ZFHX4: variants seen among roughly 807,000 people sequenced by gnomAD.
The protein encoded by ZFHX4 is zinc finger homeobox 4.
Under a neutral mutation model 267.6 loss-of-function variants are expected in ZFHX4, and 56 were observed. The ratio of observed to expected loss-of-function variants is 0.21; its 90% CI spans 0.17 to 0.26. The LOEUF is 0.26. Ranked by LOEUF, ZFHX4 falls within the 10% of genes least tolerant of loss-of-function variation. The pLI is 1.00. For missense variants in ZFHX4, 4,332 were observed against 4,420.0 expected (o/e 0.98, Z 0.56); for synonymous variants, 1,778 against 1,665.6 (o/e 1.07, Z -1.64).
At chr8:76,802,596 T>A (rs529411560) in intron 4 of ZFHX4, among the ~76,000 whole-genome samples, 2 of 152,306 alleles carry the variant, frequency 1.3e-5, no homozygotes, top group African/African-American at 4.8e-5. Context: ...ATTAAAGGAA[T>A]ATGGTTTAAC....
Position 76,705,590 on chromosome 8 carries a change from C to T in ZFHX4, c.1502C>T (p.Pro501Leu), listed in dbSNP as rs768029167. ...LTDSIGNKDF[P>L]LLNQSISPLS... Reference sequence around the variant, plus strand: ...GATAGTATTGGTAACAAAGATTTCCCTCTCTTAAACCAAAGCATTTCTCCT... The same window carrying T: ...GATAGTATTGGTAACAAAGATTTCCTTCTCTTAAACCAAAGCATTTCTCCT... The change falls in exon 2 of 11, where the codon CCT becomes CTT. Residue 501 changes from proline to leucine, a missense_variant. By Grantham distance (98) the Pro-to-Leu change is moderately conservative. This residue lies in a region of ZFHX4 where 1,195 missense variants were observed against 1,173.6 expected (regional missense o/e 1.02). Transcript: ENST00000651372. 3.0e-5 allele frequency: 49 copies of T among 1,613,516 alleles called. No individual in the cohort carries two copies. The highest frequency in any genetic ancestry group is 8.5e-7 in the Non-Finnish European group (1 of 1,179,714).
chr8:76,768,857 G>T (rs9918879), intron 3 of ZFHX4, among the ~76,000 whole-genome samples: 23,633 of 152,012 alleles, frequency 0.16, 2,207 homozygotes, highest in East Asian at 0.35. Context: ...ATCAAAAGAT[G>T]AGGCGAGCAC....
intron 4 of ZFHX4, among the ~76,000 whole-genome samples, chr8:76,801,463 G>A (rs554060917): frequency 5.9e-5 from 9 of 152,208 alleles, no homozygotes; most frequent in African/African-American, 9.6e-5. Flanking sequence ...GCTATAAGTC[G>A]TCCACAGAGT....
intron 3 of ZFHX4, among the ~76,000 whole-genome samples, chr8:76,769,777 T>C (rs1810212164): frequency 6.6e-6 from 1 of 151,938 alleles, no homozygotes; most frequent in Admixed American, 6.6e-5. Flanking sequence ...GATAAGTGCA[T>C]AGAGCAAAGA....
chr8:76,795,785 C>T (rs1263780028), intron 4 of ZFHX4, among the ~76,000 whole-genome samples: 1 of 152,056 alleles, frequency 6.6e-6, no homozygotes, highest in Admixed American at 6.6e-5. Flanking sequence ...GATCCGCCCG[C>T]CTCCAAGTCT....
chr8:76,845,006 A>G (rs995044410), intron 6 of ZFHX4, among the ~76,000 whole-genome samples: 1 of 152,134 alleles, frequency 6.6e-6, no homozygotes, highest in African/African-American at 2.4e-5. Context: ...TGTAAAAAAA[A>G]TACTAGCAAG....
chr8:76,753,823 T>C (rs998201975), intron 3 of ZFHX4, among the ~76,000 whole-genome samples: 34 of 152,076 alleles, frequency 2.2e-4, no homozygotes, highest in African/African-American at 7.2e-4. Context: ...AGATGGAGTC[T>C]TACTATGTTG....
chr8:76,843,680 C>A (rs1812295347), intron 6 of ZFHX4, among the ~76,000 whole-genome samples: 1 of 152,036 alleles, frequency 6.6e-6, no homozygotes, highest in African/African-American at 2.4e-5. Context: ...CGGGTTCAAG[C>A]CTATTAGTTT....
intron 3 of ZFHX4, among the ~76,000 whole-genome samples, chr8:76,724,833 C>A (rs1246452121): frequency 6.6e-6 from 1 of 152,056 alleles, no homozygotes; most frequent in African/African-American, 2.4e-5. Flanking sequence ...CTTCCACAGG[C>A]CCACTGGGTT....
chr8:76,730,822 T>A (rs1808989636), intron 3 of ZFHX4, among the ~76,000 whole-genome samples: 1 of 152,138 alleles, frequency 6.6e-6, no homozygotes, highest in African/African-American at 2.4e-5. Flanking sequence ...TAATAAGACA[T>A]CTATAAAGCT....
intron 1 of ZFHX4, among the ~76,000 whole-genome samples, chr8:76,695,203 G>T (rs1807926016): frequency 6.6e-6 from 1 of 152,156 alleles, no homozygotes; most frequent in African/African-American, 2.4e-5. Flanking sequence ...GGAAAAGAAT[G>T]AGGTCATTTA....
chr8:76,798,582 G>T (rs1338505143), intron 4 of ZFHX4, among the ~76,000 whole-genome samples: 1 of 152,152 alleles, frequency 6.6e-6, no homozygotes, highest in African/African-American at 2.4e-5. Context: ...CATGAGAGCT[G>T]CTGGTTTATG....
intron 3 of ZFHX4, among the ~76,000 whole-genome samples, chr8:76,777,435 TG>T (rs1193404893): frequency 6.6e-6 from 1 of 152,156 alleles, no homozygotes; most frequent in Non-Finnish European, 1.5e-5. Flanking sequence ...CACATCATAG[TG>T]TCTGTTTTGA....
intron 1 of ZFHX4, among the ~76,000 whole-genome samples, chr8:76,701,706 T>C (rs1808107688): frequency 6.6e-6 from 1 of 152,164 alleles, no homozygotes; most frequent in Admixed American, 6.5e-5. Flanking sequence ...GGAGTGAAGA[T>C]AGAACTAAAT....
At chr8:76,691,344 G>T (rs575406157) in intron 1 of ZFHX4, among the ~76,000 whole-genome samples, 19 of 152,146 alleles carry the variant, frequency 1.2e-4, no homozygotes, top group African/African-American at 4.3e-4. Flanking sequence ...AAATACTGAT[G>T]ATTTCAGTGA....
intron 5 of ZFHX4, among the ~76,000 whole-genome samples, chr8:76,839,053 AAG>A (rs35873786): frequency 0.083 from 8,902 of 107,096 alleles, 585 homozygotes; most frequent in East Asian, 0.36. Flanking sequence ...CTCTGTCTGA[AAG>A]AGAGAGAGAG....
intron 3 of ZFHX4, among the ~76,000 whole-genome samples, chr8:76,740,485 A>G (rs1809285804): frequency 6.6e-6 from 1 of 151,784 alleles, no homozygotes; most frequent in Non-Finnish European, 1.5e-5. Context: ...TTTCCCCAAA[A>G]CCTACTGGGG....
At chr8:76,726,702 A>G (rs1265499837) in intron 3 of ZFHX4, among the ~76,000 whole-genome samples, 2 of 152,194 alleles carry the variant, frequency 1.3e-5, no homozygotes, top group Non-Finnish European at 2.9e-5. Context: ...TTGAACTACA[A>G]TGAGAGTATT....
intron 4 of ZFHX4, chr8:76,782,253 T>G (rs2131782930): frequency 2.4e-6 from 1 of 416,926 alleles, no homozygotes; most frequent in Non-Finnish European, 4.8e-6. Context: ...TTCTGGAGAT[T>G]TATGAGGTTT....
Sources: allele counts gnomAD v4.1 joint callset (sites outside exome capture counted in the v4.1 genomes callset), GRCh38; gene constraint gnomAD v4.1.1; regional missense constraint gnomAD v4.1.1; transcripts MANE v1.5; gene names NCBI Gene and HGNC (gene_info 2026-07-23, HGNC 2026-07-21).